HS6ST3: variants seen among roughly 807,000 people sequenced by gnomAD.
The protein encoded by HS6ST3 is heparan sulfate 6-O-sulfotransferase 3.
HS6ST3 carries 12 observed loss-of-function variants against 36.7 expected under a neutral mutation model. The observed-to-expected ratio is 0.33, with a 90% CI of 0.21 to 0.53. The LOEUF (loss-of-function observed/expected upper bound fraction) is 0.53. Among genes scored for constraint, HS6ST3 ranks in the 20% least tolerant of loss-of-function variants. HS6ST3 has a pLI of 0.95. For synonymous variants in HS6ST3, 240 were observed against 257.5 expected, an observed-to-expected ratio of 0.93 and a Z score of 0.65; for missense variants, 584 against 640.9, an observed-to-expected ratio of 0.91 and a Z score of 0.96.
At chr13:96,494,080 A>G (rs1009975177) in intron 1 of HS6ST3, among the ~76,000 whole-genome samples, 1 of 152,128 alleles carries the variant, frequency 6.6e-6, no homozygotes, top group African/African-American at 2.4e-5. Flanking sequence ...ACAATTACAG[A>G]TGCGTAGAAC....
At chr13:96,185,579 TATC>T (rs1266751576) in intron 1 of HS6ST3, among the ~76,000 whole-genome samples, 1 of 152,212 alleles carries the variant, frequency 6.6e-6, no homozygotes, top group Non-Finnish European at 1.5e-5. Flanking sequence ...CACACACTCT[TATC>T]ATTGTGGTTT....
At chr13:96,304,702 TCTTTC>T (rs1566317862) in intron 1 of HS6ST3, among the ~76,000 whole-genome samples, 8 of 97,550 alleles carry the variant, frequency 8.2e-5, no homozygotes, top group East Asian at 5.8e-4. Flanking sequence ...TTTCTTTCTT[TCTTTC>T]TTTCTTTTTT....
At chr13:96,786,839 G>T (rs1366583208) in intron 1 of HS6ST3, among the ~76,000 whole-genome samples, 1 of 149,576 alleles carries the variant, frequency 6.7e-6, no homozygotes, top group African/African-American at 2.5e-5. Context: ...ATGCAGAACA[G>T]TTCCATAATT....
At chr13:96,412,258 C>T (rs2139462789) in intron 1 of HS6ST3, among the ~76,000 whole-genome samples, 1 of 152,214 alleles carries the variant, frequency 6.6e-6, no homozygotes, top group East Asian at 1.9e-4. Context: ...CCACCTTGGC[C>T]TCCCAAAGTG....
intron 1 of HS6ST3, among the ~76,000 whole-genome samples, chr13:96,322,210 A>G (rs990387042): frequency 1.3e-5 from 2 of 152,124 alleles, no homozygotes; most frequent in African/African-American, 4.8e-5. Context: ...TGCATAATCC[A>G]GTTTCCCTCT....
intron 1 of HS6ST3, among the ~76,000 whole-genome samples, chr13:96,204,119 G>T (rs1594715237): frequency 1.3e-5 from 2 of 152,038 alleles, no homozygotes; most frequent in South Asian, 4.2e-4. Flanking sequence ...AAAATCAAAT[G>T]TCAGATTAAT....
At chr13:96,119,973 A>T (rs1238683150) in intron 1 of HS6ST3, among the ~76,000 whole-genome samples, 1 of 152,106 alleles carries the variant, frequency 6.6e-6, no homozygotes, top group Non-Finnish European at 1.5e-5. Context: ...TCTAACCCCT[A>T]GTACTTCAGA....
intron 1 of HS6ST3, among the ~76,000 whole-genome samples, chr13:96,540,706 A>G (rs7329209): frequency 0.071 from 10,766 of 152,294 alleles, 432 homozygotes; most frequent in Middle Eastern, 0.095. Flanking sequence ...AACCATTTTT[A>G]TTCTAAAATA....
chr13:96,816,836 C>T lies in HS6ST3; in HGVS notation c.708-15654C>T, dbSNP rs193127658. On this transcript the variant is annotated intron_variant, in intron 1 of 1. Transcript: ENST00000376705. ...AGATTATTTGGGTATTTGAACTACTCTGATATAATGTTTTTGGGGCATTTC... is the reference window on the plus strand; with the variant it reads ...AGATTATTTGGGTATTTGAACTACTTTGATATAATGTTTTTGGGGCATTTC... Among the ~76,000 whole-genome samples the T allele has an allele frequency of 5.9e-5, 9 of 152,320 alleles. No homozygotes were observed. In the East Asian group the frequency reaches 1.7e-3, roughly 29 times the overall value.
chr13:96,139,156 G>A (rs1434878902), intron 1 of HS6ST3, among the ~76,000 whole-genome samples: 4 of 152,068 alleles, frequency 2.6e-5, no homozygotes, highest in African/African-American at 9.7e-5. Context: ...GAAAGGAAAA[G>A]TTGTGATAAA....
intron 1 of HS6ST3, among the ~76,000 whole-genome samples, chr13:96,513,755 G>C (rs2056060358): frequency 6.6e-6 from 1 of 152,036 alleles, no homozygotes; most frequent in African/African-American, 2.4e-5. Flanking sequence ...CCATCATAGA[G>C]TGTACTTACA....
intron 1 of HS6ST3, among the ~76,000 whole-genome samples, chr13:96,178,314 G>A (rs919704852): frequency 6.6e-6 from 1 of 152,150 alleles, no homozygotes; most frequent in African/African-American, 2.4e-5. Context: ...TTTCTTTGGC[G>A]ATTCAGTGGG....
chr13:96,464,423 G>A (rs1275095120), intron 1 of HS6ST3, among the ~76,000 whole-genome samples: 1 of 152,018 alleles, frequency 6.6e-6, no homozygotes, highest in Non-Finnish European at 1.5e-5. Flanking sequence ...CTTTCTGTGT[G>A]ACAAGCAGCA....
At chr13:96,486,205 T>C (rs1040756019) in intron 1 of HS6ST3, among the ~76,000 whole-genome samples, 4 of 152,174 alleles carry the variant, frequency 2.6e-5, no homozygotes, top group African/African-American at 7.2e-5. Flanking sequence ...CATCATTTTT[T>C]ATGGCTGCAT....
At chr13:96,129,759 A>G (rs1594687221) in intron 1 of HS6ST3, among the ~76,000 whole-genome samples, 1 of 152,184 alleles carries the variant, frequency 6.6e-6, no homozygotes, top group East Asian at 1.9e-4. Flanking sequence ...TTTAGGCTGG[A>G]CCTGAATCCA....
At chr13:96,601,225 A>G (rs901000120) in intron 1 of HS6ST3, among the ~76,000 whole-genome samples, 4 of 152,172 alleles carry the variant, frequency 2.6e-5, no homozygotes, top group Admixed American at 6.5e-5. Flanking sequence ...AGCAAGCCCA[A>G]GAAAGTTTTC....
chr13:96,340,795 G>C (rs1169054013), intron 1 of HS6ST3, among the ~76,000 whole-genome samples: 1 of 152,160 alleles, frequency 6.6e-6, no homozygotes, highest in Non-Finnish European at 1.5e-5. Context: ...TATGTTTTTT[G>C]AATGAATATC....
chr13:96,779,257 A>G (rs1877467996), intron 1 of HS6ST3, among the ~76,000 whole-genome samples: 1 of 151,934 alleles, frequency 6.6e-6, no homozygotes, highest in African/African-American at 2.4e-5. Context: ...ACCATGGCAC[A>G]TGTATACCTA....
At chr13:96,504,887 G>C (rs1288679514) in intron 1 of HS6ST3, among the ~76,000 whole-genome samples, 2 of 152,138 alleles carry the variant, frequency 1.3e-5, no homozygotes, top group African/African-American at 4.8e-5. Flanking sequence ...ATTTCAAGAT[G>C]TAACTGCTAA....
Sources: gnomAD v4.1 joint callset for allele counts (sites outside exome capture counted in the v4.1 genomes callset) on GRCh38, gnomAD v4.1.1 for gene constraint, MANE v1.5 for transcripts, NCBI Gene and HGNC (gene_info 2026-07-23, HGNC 2026-07-21) for gene names.